FLNA: variants seen among roughly 807,000 people sequenced by gnomAD.
FLNA encodes filamin A, also known as filamin-A.
A neutral mutation model predicts 157.6 loss-of-function variants in FLNA; 7 were observed. The ratio of observed to expected loss-of-function variants is 0.04; its 90% CI spans 0.03 to 0.08. The LOEUF (loss-of-function observed/expected upper bound fraction) is 0.08, where lower values mean the gene tolerates loss of function less well. Ranked by LOEUF, FLNA falls within the 10% of genes least tolerant of loss-of-function variation. The pLI, the probability that FLNA is intolerant of heterozygous loss-of-function variation, is 1.00. For missense variants in FLNA, 1,750 were observed against 2,398.4 expected (o/e 0.73, Z 5.65); for synonymous variants, 1,103 against 1,060.8 (o/e 1.04, Z -0.77).
rs782350084 is a variant in FLNA at position 154,349,072 on chromosome X, C to T, written c.7757-36G>A. On this transcript the variant is annotated intron_variant, in intron 47 of 47. Transcript: ENST00000369850. ...AGGGGTCCTCAGTCCCAGGTCCCAGCCCCCTTCCTCCCGCTGGTGTCCTGC... is the reference window on the plus strand; with the variant it reads ...AGGGGTCCTCAGTCCCAGGTCCCAGTCCCCTTCCTCCCGCTGGTGTCCTGC... 6.2e-6 allele frequency: 7 copies of T among 1,137,879 alleles called. No individual in the cohort carries two copies. In the South Asian group the frequency reaches 1.1e-4, roughly 19 times the overall value. 93.8% of individuals were successfully genotyped at this position (1,137,879 alleles called of 1,213,427 possible).
At chrX:154,358,733 A>T (rs1166775614) in intron 26 of FLNA, 165 bp from the exon 27 acceptor site, 13 of 683,888 alleles carry the variant, frequency 1.9e-5, no homozygotes, top group Non-Finnish European at 2.7e-5. Flanking sequence ...AAAGACACCC[A>T]TCTGGGTGCC....
At chrX:154,351,444 C>A in intron 43 of FLNA, 137 bp downstream of exon 43, 1 of 477,687 alleles carries the variant, frequency 2.1e-6, no homozygotes, top group Non-Finnish European at 3.7e-6. Flanking sequence ...GGGCTGCACC[C>A]GGCCAGAGCA....
At position 154,365,387 on chromosome X, in the gene FLNA, G is replaced by T. The variant is rs1557178990; in HGVS notation, c.1529C>A (p.Ala510Asp). 1 of 1,210,657 alleles carries T rather than the reference G, an allele frequency of 8.3e-7. No homozygotes were observed. The highest frequency in any genetic ancestry group is 1.7e-5 in the African/African-American group (1 of 57,507). ...GGTGACCTTCAGCTCCCCACTGCCA[G>T]CGCCCTTTGTGTACACCTTGAAGTC... ...TADFKVYTKG[A>D]GSGELKVTVK... The change falls in exon 10 of 48, where the codon GCT (alanine) becomes GAT (aspartate). Residue 510 changes from alanine to aspartate, a missense_variant. Physicochemically the swap from Ala to Asp is moderately radical, Grantham distance 126 (BLOSUM62 -2). Coordinates refer to ENST00000369850, the MANE Select transcript of FLNA (RefSeq NM_001110556.2).
Position 154,361,442 on chromosome X carries a change from C to A in FLNA, c.3073G>T (p.Gly1025Trp), listed in dbSNP as rs944580502. 2 of 1,211,368 alleles carry A rather than the reference C, an allele frequency of 1.7e-6. No homozygotes were observed. Among genetic ancestry groups the A allele is most frequent in the African/African-American group, 3.5e-5 (2 of 57,790 alleles). The change falls in exon 21 of 48, where the codon GGG (glycine) becomes TGG (tryptophan). Residue 1025 changes from glycine to tryptophan, a missense_variant. By Grantham distance (184) the Gly-to-Trp change is radical. Coordinates refer to ENST00000369850, the MANE Select transcript of FLNA (RefSeq NM_001110556.2). ...AAGCGCACCACACTGTTGTCAGCCC[C>A]CAGGCCTGGCTCCACCTTGCAGGGC... is the stretch of plus-strand genomic sequence containing the variant. The part of the protein sequence containing the change: ...AVPCKVEPGL[G>W]ADNSVVRFLP...
At position 154,353,470 on chromosome X, in the gene FLNA, G is replaced by A. The variant is rs1557176226; in HGVS notation, c.5861-13C>T. The A allele has an allele frequency of 2.5e-6, 3 of 1,211,558 alleles. No individual in the cohort carries two copies. In the South Asian group the frequency reaches 5.3e-5, roughly 21 times the overall value. ...ATGGAGTCGTCACCTGGTGGGGACAGGCCAGCCATCAGTGTGCGTCCAGCC... is the reference window on the plus strand; with the variant it reads ...ATGGAGTCGTCACCTGGTGGGGACAAGCCAGCCATCAGTGTGCGTCCAGCC... On this transcript the variant is annotated splice_polypyrimidine_tract_variant and intron_variant, in intron 36 of 47. Transcript: ENST00000369850.
chrX:154,352,791 A>G lies in FLNA; in HGVS notation c.6360T>C (p.Phe2120=). 2 of 1,211,763 alleles carry G rather than the reference A, an allele frequency of 1.7e-6. No homozygotes were observed. Among genetic ancestry groups the G allele is most frequent in the Non-Finnish European group, 2.2e-6 (2 of 895,532 alleles). Residue 2120 remains phenylalanine (F), a synonymous_variant, in exon 39 of 48, where the codon TTT becomes TTC. Coordinates refer to ENST00000369850, the MANE Select transcript of FLNA (RefSeq NM_001110556.2). ...ACTCACCAGGCACGTGCTGGTCGGC[A>G]AACTTGATGTTGATGATGTAGTTGC... ...EPGNYIINIK[F]ADQHVPGSPF... is the part of the protein sequence containing the mutation.
At chrX:154,358,873 T>A in intron 26 of FLNA, 111 bp downstream of exon 26, 3 of 918,057 alleles carry the variant, frequency 3.3e-6, no homozygotes, top group Non-Finnish European at 3.1e-6. Flanking sequence ...ACCTACACAC[T>A]TGCACCACCT....
rs372827142 is a variant in FLNA, at chrX:154,360,524, C to T, written c.3271G>A (p.Asp1091Asn). 5.8e-6 allele frequency: 7 copies of T among 1,210,753 alleles called. No individual in the cohort carries two copies. Among genetic ancestry groups the T allele is most frequent in the East Asian group, 3.0e-5 (1 of 33,854 alleles). Residue 1091 changes from aspartate to asparagine, a missense_variant, in exon 22 of 48, where the codon GAC becomes AAC. Asp to Asn is a conservative substitution (Grantham distance 23, BLOSUM62 1). Transcript: ENST00000369850. ...CCACCTGTGCCGGCGCCCTTGGTGTCGATGGTGAAGCGGGCGGGGGAGCCC... is the reference window on the plus strand; with the variant it reads ...CCACCTGTGCCGGCGCCCTTGGTGTTGATGGTGAAGCGGGCGGGGGAGCCC... ...SAGSPARFTIDTKGAGTGGLG... is the reference protein window; with the variant it reads ...SAGSPARFTINTKGAGTGGLG...
At chrX:154,355,212 C>G in intron 30 of FLNA, 140 bp from the exon 31 acceptor site, 1 of 640,366 alleles carries the variant, frequency 1.6e-6, no homozygotes, top group Non-Finnish European at 2.3e-6. Context: ...CTGCCCCGCC[C>G]TGCCCCTCCA....
At chrX:154,365,085 G>A (rs781790010) in intron 11 of FLNA, 51 bp downstream of exon 11, 8 of 1,204,327 alleles carry the variant, frequency 6.6e-6, no homozygotes, top group Non-Finnish European at 8.9e-6. Context: ...GCAGAAGGAA[G>A]AGAAGAGGCA....
At chrX:154,363,063 A>G (rs1191213826) in intron 15 of FLNA, among the ~76,000 whole-genome samples, 1 of 112,794 alleles carries the variant, frequency 8.9e-6, no homozygotes, top group Non-Finnish European at 1.9e-5. Flanking sequence ...ATCTGTTAGC[A>G]AGTGAACGGA....
chrX:154,359,180 G>A (rs782668476), intron 25 of FLNA, 26 bp from the exon 26 acceptor site: 17 of 1,209,705 alleles, frequency 1.4e-5, no homozygotes, highest in South Asian at 3.5e-5. Flanking sequence ...AAGGGATGGC[G>A]GCTGTATGAG....
chrX:154,352,947 C>T lies in FLNA; in HGVS notation c.6227-23G>A, dbSNP rs782437688. 3.3e-6 allele frequency: 4 copies of T among 1,210,152 alleles called. No homozygotes were observed. In the African/African-American group the frequency reaches 7.0e-5, roughly 21 times the overall value. On this transcript the variant is annotated intron_variant, in intron 38 of 47. Coordinates refer to ENST00000369850, the MANE Select transcript of FLNA (RefSeq NM_001110556.2). ...AGCCTAGGGGATGGATACCCCTGAG[C>T]CTCGGTGCTATGCACAGTGCTCCCG...
rs782730676 is a variant in FLNA at position 154,365,141 on chromosome X, C to T, written c.1686G>A (p.Gly562=). 8.3e-7 allele frequency: 1 copy of T among 1,211,793 alleles called. No homozygotes were observed. The highest frequency in any genetic ancestry group is 1.7e-5 in the African/African-American group (1 of 57,911). ...VTITWGGQNI[G]RSPFEVKVGT... is the part of the protein sequence containing the mutation. ...GGGATGCCTGGGGGCCTCACCTGCGCCCGATGTTCTGACCACCCCACGTGA... is the reference window on the plus strand; with the variant it reads ...GGGATGCCTGGGGGCCTCACCTGCGTCCGATGTTCTGACCACCCCACGTGA... The change falls in exon 11 of 48, where the codon GGG becomes GGA. Residue 562 remains glycine, a synonymous_variant. Transcript: ENST00000369850.
intron 26 of FLNA, 56 bp downstream of exon 26, chrX:154,358,928 C>T: frequency 8.5e-7 from 1 of 1,173,873 alleles, no homozygotes; most frequent in Non-Finnish European, 1.2e-6. Flanking sequence ...CCTTTCCCGG[C>T]CCTCAAACAG....
chrX:154,357,527 T>C lies in FLNA; in HGVS notation c.4852A>G (p.Ile1618Val). Residue 1618 changes from isoleucine to valine, a missense_variant, in exon 29 of 48, where the codon ATC becomes GTC. Ile to Val is a conservative substitution (Grantham distance 29). Coordinates refer to ENST00000369850, the MANE Select transcript of FLNA (RefSeq NM_001110556.2). The stretch of plus-strand genomic sequence containing the variant: ...TCGTCACCACCGTACTTGATGAGGA[T>C]GGTGTAGCGACCTGTCACGTCTGGC... The part of the protein sequence containing the change: ...YVPDVTGRYT[I>V]LIKYGGDEIP... 8.3e-7 allele frequency: 1 copy of C among 1,210,073 alleles called. No homozygotes were observed. Among genetic ancestry groups the C allele is most frequent in the Non-Finnish European group, 1.1e-6 (1 of 893,822 alleles).
intron 1 of FLNA, among the ~76,000 whole-genome samples, chrX:154,373,701 C>T (rs1271440374): frequency 1.8e-5 from 2 of 112,662 alleles, no homozygotes; most frequent in Non-Finnish European, 3.8e-5. Context: ...AGCCAGGGGG[C>T]GCAGGAGGGA....
intron 1 of FLNA, 75 bp from the exon 2 acceptor site, chrX:154,371,436 G>A (rs1258513335): frequency 4.4e-6 from 2 of 452,800 alleles, no homozygotes; most frequent in African/African-American, 2.5e-5. Flanking sequence ...GGGAGGGGCC[G>A]TGGGGTGGGG....
At chrX:154,369,452 G>C (rs1234247078) in intron 2 of FLNA, among the ~76,000 whole-genome samples, 1 of 112,507 alleles carries the variant, frequency 8.9e-6, no homozygotes, top group Non-Finnish European at 1.9e-5. Flanking sequence ...AAGAGAGAGG[G>C]AAGGACCAGG....
Sources: allele counts gnomAD v4.1 joint callset (sites outside exome capture counted in the v4.1 genomes callset), GRCh38; gene constraint gnomAD v4.1.1; transcripts MANE v1.5; gene names NCBI Gene and HGNC (gene_info 2026-07-23, HGNC 2026-07-21).